RPF1: variants seen among roughly 807,000 people sequenced by gnomAD.
RPF1 encodes ribosome production factor 1.
A neutral mutation model predicts 41.9 loss-of-function variants in RPF1; 34 were observed. The ratio of observed to expected loss-of-function variants is 0.81; its 90% CI spans 0.62 to 1.08. The LOEUF (loss-of-function observed/expected upper bound fraction) is 1.08, where lower values mean the gene tolerates loss of function less well. Among genes scored for constraint, RPF1 ranks in the 50% least tolerant of loss-of-function variants. The pLI is 0.00. For synonymous variants in RPF1, 140 were observed against 148.9 expected (o/e 0.94, Z 0.43); for missense variants, 425 against 435.2 (o/e 0.98, Z 0.21).
chr1:84,483,332 T>C (rs967080526), intron 3 of RPF1: 2 of 206,338 alleles, frequency 9.7e-6, no homozygotes, highest in African/African-American at 4.7e-5. Context: ...AGTGGTGTGA[T>C]CTCGGCTCAC....
At chr1:84,487,713 C>T (rs932304999) in intron 3 of RPF1, among the ~76,000 whole-genome samples, 1 of 151,950 alleles carries the variant, frequency 6.6e-6, no homozygotes, top group Non-Finnish European at 1.5e-5. Flanking sequence ...AAAGAGTTGC[C>T]TCTCGTATTT....
At chr1:84,493,101 G>T (rs775700944) in intron 5 of RPF1, among the ~76,000 whole-genome samples, 2 of 152,258 alleles carry the variant, frequency 1.3e-5, no homozygotes. Flanking sequence ...TTAGAAACTG[G>T]TAAGTTTGGG....
intron 1 of RPF1, 100 bp downstream of exon 1, chr1:84,479,609 T>C: frequency 8.8e-7 from 1 of 1,139,140 alleles, no homozygotes; most frequent in South Asian, 1.5e-5. Context: ...GTCTCAAAAG[T>C]GTTCTCTGTG....
chr1:84,479,286 C>T lies in RPF1; in HGVS notation c.5C>T (p.Ala2Val), dbSNP rs1426258700. 5.0e-6 allele frequency: 8 copies of T among 1,596,314 alleles called. No homozygotes were observed. The highest frequency in any genetic ancestry group is 1.1e-5 in the South Asian group (1 of 89,180). ...GGAAGCAAAGGAGCCAAGACCATGG[C>T]GAAAGCCGGGGATAAGAGCAGCAGC... is the stretch of plus-strand genomic sequence containing the variant. The part of the protein sequence containing the change: M[A>V]KAGDKSSSSG... The change falls in exon 1 of 9, where the codon GCG becomes GTG. Residue 2 changes from alanine to valine, a missense_variant. Physicochemically the swap from Ala to Val is moderately conservative, Grantham distance 64. Transcript: ENST00000370654.
chr1:84,495,244 G>A, intron 5 of RPF1, 129 bp from the exon 6 acceptor site: 1 of 609,358 alleles, frequency 1.6e-6, no homozygotes, highest in East Asian at 3.1e-5. Context: ...TCACTTCAGA[G>A]GAATATGTAC....
At chr1:84,493,358 G>A (rs79915257) in intron 5 of RPF1, among the ~76,000 whole-genome samples, 9,110 of 148,162 alleles carry the variant, frequency 0.061, 323 homozygotes, top group Non-Finnish European at 0.077. Flanking sequence ...AAAAAGATCT[G>A]CCTGCAGTCC....
intron 5 of RPF1, among the ~76,000 whole-genome samples, chr1:84,493,048 TA>T (rs1322946952): frequency 6.6e-6 from 1 of 152,190 alleles, no homozygotes; most frequent in Non-Finnish European, 1.5e-5. Context: ...GTAATGTAAA[TA>T]AAGCCTCTTG....
At chr1:84,486,978 G>A (rs1681749927) in intron 3 of RPF1, among the ~76,000 whole-genome samples, 1 of 152,098 alleles carries the variant, frequency 6.6e-6, no homozygotes, top group Admixed American at 6.6e-5. Flanking sequence ...GATTTAAGGG[G>A]AAATCAAGAG....
At chr1:84,484,048 T>A (rs1007689800) in intron 3 of RPF1, among the ~76,000 whole-genome samples, 5 of 152,158 alleles carry the variant, frequency 3.3e-5, no homozygotes, top group African/African-American at 1.2e-4. Flanking sequence ...CATAATGAAA[T>A]AAATAAGTTA....
At chr1:84,493,938 T>C (rs1235891911) in intron 5 of RPF1, among the ~76,000 whole-genome samples, 1 of 152,238 alleles carries the variant, frequency 6.6e-6, no homozygotes. Context: ...AGTCTGATAC[T>C]AATGTCTTTT....
At chr1:84,494,731 G>T (rs1305965006) in intron 5 of RPF1, among the ~76,000 whole-genome samples, 2 of 152,188 alleles carry the variant, frequency 1.3e-5, no homozygotes, top group Non-Finnish European at 2.9e-5. Context: ...TTCATTTGTA[G>T]TTTAGCATGT....
intron 5 of RPF1, among the ~76,000 whole-genome samples, chr1:84,493,318 G>T (rs3922538): frequency 0.19 from 28,082 of 145,958 alleles, 2,736 homozygotes; most frequent in South Asian, 0.31. Flanking sequence ...CTGATGCATG[G>T]TAGGCACTAC....
At chr1:84,488,697 T>C (rs1681777616) in intron 3 of RPF1, among the ~76,000 whole-genome samples, 1 of 152,114 alleles carries the variant, frequency 6.6e-6, no homozygotes, top group Non-Finnish European at 1.5e-5. Context: ...TAGATTATTA[T>C]GAGTTAAGGG....
At chr1:84,496,764 C>T (rs1161769401) in intron 8 of RPF1, among the ~76,000 whole-genome samples, 1 of 152,100 alleles carries the variant, frequency 6.6e-6, no homozygotes, top group Non-Finnish European at 1.5e-5. Flanking sequence ...TGCTTATAAG[C>T]CTGTGTTATA....
At chr1:84,480,155 G>C (rs1261681247) in intron 1 of RPF1, among the ~76,000 whole-genome samples, 1 of 152,120 alleles carries the variant, frequency 6.6e-6, no homozygotes, top group Non-Finnish European at 1.5e-5. Context: ...TTATGTGTCT[G>C]CCTCCTCTTA....
chr1:84,489,541 A>G (rs1681794660), intron 3 of RPF1, 92 bp from the exon 4 acceptor site: 2 of 714,246 alleles, frequency 2.8e-6, no homozygotes, highest in Middle Eastern at 2.4e-4. Flanking sequence ...CTAGATACTC[A>G]GTGTCCAACA....
intron 5 of RPF1, 112 bp downstream of exon 5, chr1:84,490,584 T>TA (rs1466481890): frequency 1.3e-6 from 1 of 779,072 alleles, no homozygotes; most frequent in Admixed American, 3.3e-5. Context: ...ATAATTTTTT[T>TA]ATCAGAAAAT....
intron 4 of RPF1, 145 bp from the exon 5 acceptor site, chr1:84,490,172 GAC>G: frequency 1.8e-6 from 1 of 557,324 alleles, no homozygotes; most frequent in East Asian, 3.2e-5. Context: ...GATAAAAGAG[GAC>G]ACACTGTTCG....
intron 3 of RPF1, among the ~76,000 whole-genome samples, chr1:84,489,159 C>T (rs914972068): frequency 6.6e-6 from 1 of 152,054 alleles, no homozygotes; most frequent in Admixed American, 6.6e-5. Context: ...CAGGTATAGC[C>T]ATAAAACTCT....
Sources: gnomAD v4.1 joint callset for allele counts (sites outside exome capture counted in the v4.1 genomes callset) on GRCh38, gnomAD v4.1.1 for gene constraint, MANE v1.5 for transcripts, NCBI Gene and HGNC (gene_info 2026-07-23, HGNC 2026-07-21) for gene names.